The following ZNF75D variants were observed in gnomAD, a reference collection of about 807,000 sequenced individuals.
ZNF75D encodes zinc finger protein 75D, also known as zinc finger protein 75.
In ZNF75D, 33 loss-of-function variants were observed where a neutral mutation model predicts 33.3. That is an observed-to-expected ratio of 0.99 (90% CI 0.75 to 1.32). The LOEUF is 1.32. Among genes scored for constraint, ZNF75D ranks in the 40% most tolerant of loss-of-function variants. The pLI is 0.00. For synonymous variants in ZNF75D, 113 were observed against 130.6 expected (o/e 0.87, Z 0.92); for missense variants, 338 against 367.5 (o/e 0.92, Z 0.66).
chrX:135,280,077 G>C (rs1602591654), intron 1 of ZNF75D, among the ~76,000 whole-genome samples: 1 of 111,537 alleles, frequency 9.0e-6, no homozygotes, highest in Non-Finnish European at 1.9e-5. Context: ...AATATTGACA[G>C]TGGGGTGTTA....
intron 1 of ZNF75D, among the ~76,000 whole-genome samples, chrX:135,259,935 A>C (rs1198852551): frequency 2.7e-5 from 3 of 112,026 alleles, no homozygotes; most frequent in Non-Finnish European, 5.6e-5. Flanking sequence ...TGGGTTTGTC[A>C]TAAATAGCTC....
Position 135,291,046 on chromosome X carries a change from A to G in ZNF75D, c.786T>C (p.Asp262=), listed in dbSNP as rs2084031136. ...CAGTCTCATAGATATCCTGCATTACATCATTGTAGAGAGTCTTCTCAAGAG... is the reference window on the plus strand; with the variant it reads ...CAGTCTCATAGATATCCTGCATTACGTCATTGTAGAGAGTCTTCTCAAGAG... The part of the protein sequence containing the change: ...LNPLEKTLYN[D]VMQDIYETVI... Residue 262 remains aspartate (D), a synonymous_variant, in exon 6 of 7, where the codon GAT becomes GAC. Coordinates refer to ENST00000370766, the MANE Select transcript of ZNF75D (RefSeq NM_007131.5). 8.3e-7 allele frequency: 1 copy of G among 1,207,501 alleles called. No homozygotes were observed. Among genetic ancestry groups the G allele is most frequent in the Non-Finnish European group, 1.1e-6 (1 of 891,497 alleles).
chrX:135,324,971 G>A (rs1304920005), intron 1 of ZNF75D, among the ~76,000 whole-genome samples: 8 of 110,522 alleles, frequency 7.2e-5, no homozygotes, highest in South Asian at 3.9e-4. Flanking sequence ...TAAGACTCAG[G>A]AGCCCTGCCC....
chrX:135,287,352 G>GGT lies in ZNF75D; in HGVS notation c.1316_1317dup (p.Gln440ThrfsTer68), dbSNP rs1276729877. On this transcript the variant is annotated frameshift_variant, in exon 7 of 7. Coordinates refer to ENST00000370766, the MANE Select transcript of ZNF75D (RefSeq NM_007131.5). LOFTEE classifies it high-confidence loss of function. ...GGCTTCTCTCCTGTGTGAATTCTTT[G>GGT]GTGTGTGTGTAGATTTGTGTTATGA... 7 of 1,210,112 alleles carry GGT rather than the reference G, an allele frequency of 5.8e-6. No individual in the cohort carries two copies. Among genetic ancestry groups the GGT allele is most frequent in the East Asian group, 3.0e-5 (1 of 33,813 alleles).
At chrX:135,282,901 C>T (rs1390530530), downstream of ZNF75D, among the ~76,000 whole-genome samples, 2 of 113,209 alleles carry the variant, frequency 1.8e-5, no homozygotes, top group Admixed American at 9.3e-5. Flanking sequence ...ATTGATCTCA[C>T]TGGAAGCTGC....
intron 1 of ZNF75D, among the ~76,000 whole-genome samples, chrX:135,261,491 T>G (rs963824129): frequency 8.9e-6 from 1 of 112,198 alleles, no homozygotes; most frequent in Non-Finnish European, 1.9e-5. Context: ...TGTATTGGGT[T>G]CATACATATT....
intron 1 of ZNF75D, among the ~76,000 whole-genome samples, chrX:135,259,472 C>T (rs1181749373): frequency 1.3e-4 from 15 of 111,350 alleles, no homozygotes; most frequent in East Asian, 5.7e-4. Flanking sequence ...TTATTTCCTT[C>T]ACCAGTGGTT....
intron 1 of ZNF75D, among the ~76,000 whole-genome samples, chrX:135,335,290 A>C (rs1045020360): frequency 3.6e-5 from 4 of 110,862 alleles, no homozygotes; most frequent in African/African-American, 9.9e-5. Context: ...TCTAAGTTCG[A>C]TGGAGAGTAC....
chrX:135,317,909 A>G (rs782396545), intron 1 of ZNF75D, among the ~76,000 whole-genome samples: 32 of 109,386 alleles, frequency 2.9e-4, no homozygotes, highest in Non-Finnish European at 1.9e-5. Context: ...GGTGGGCAGT[A>G]ACAGCATAGC....
chrX:135,342,426 T>G lies in ZNF75D; in HGVS notation c.-1049A>C, dbSNP rs1161111076. ...CAATAGAAAACCAGAGTCTGTCCAT[T>G]TGGACCCAACAAGAGAAAGGGATGG... On this transcript the variant is annotated 5_prime_UTR_variant, in exon 1 of 7. Transcript: ENST00000370766. 3 of 112,126 alleles carry G rather than the reference T, an allele frequency of 2.7e-5. No individual in the cohort carries two copies. The highest frequency in any genetic ancestry group is 9.7e-5 in the African/African-American group (3 of 30,784). The allele number at this position is 112,126 out of a possible 1,213,427, so 9.2% of individuals were successfully genotyped here.
At chrX:135,324,232 T>C (rs782743110) in intron 1 of ZNF75D, among the ~76,000 whole-genome samples, 3 of 111,740 alleles carry the variant, frequency 2.7e-5, no homozygotes, top group Non-Finnish European at 5.6e-5. Context: ...AAATGAAGCT[T>C]AGAGAAGTGA....
At chrX:135,262,761 TTTG>T (rs2083847828) in intron 1 of ZNF75D, among the ~76,000 whole-genome samples, 1 of 112,260 alleles carries the variant, frequency 8.9e-6, no homozygotes, top group African/African-American at 3.2e-5. Context: ...CTTGGAGAAG[TTTG>T]TTATTACTGA....
chrX:135,337,953 C>T (rs1396462478), intron 1 of ZNF75D, among the ~76,000 whole-genome samples: 1 of 110,134 alleles, frequency 9.1e-6, no homozygotes, highest in African/African-American at 3.3e-5. Context: ...AAAGATGATG[C>T]AATTTGAGGA....
chrX:135,269,661 C>G (rs1556416697), intron 1 of ZNF75D, among the ~76,000 whole-genome samples: 1 of 111,256 alleles, frequency 9.0e-6, no homozygotes, highest in Non-Finnish European at 1.9e-5. Flanking sequence ...ATATAAATTA[C>G]TACAACTGCC....
chrX:135,314,170 GCA>G (rs782325514), intron 1 of ZNF75D, among the ~76,000 whole-genome samples: 2 of 111,771 alleles, frequency 1.8e-5, no homozygotes, highest in East Asian at 5.6e-4. Context: ...CTCCCTCCAT[GCA>G]CAGTTTGTTG....
intron 1 of ZNF75D, among the ~76,000 whole-genome samples, chrX:135,339,363 G>C (rs959073739): frequency 8.9e-6 from 1 of 111,890 alleles, no homozygotes; most frequent in Non-Finnish European, 1.9e-5. Flanking sequence ...TTCTGGGCCT[G>C]CAGCTGGAAC....
At chrX:135,320,068 G>A (rs1222384913) in intron 1 of ZNF75D, among the ~76,000 whole-genome samples, 1 of 112,104 alleles carries the variant, frequency 8.9e-6, no homozygotes, top group Non-Finnish European at 1.9e-5. Flanking sequence ...GCCAAGGCAG[G>A]CAGGCCACGA....
chrX:135,326,672 T>G (rs782817623), intron 1 of ZNF75D, among the ~76,000 whole-genome samples: 3 of 111,877 alleles, frequency 2.7e-5, no homozygotes, highest in Non-Finnish European at 5.6e-5. Context: ...TTTTATGAGC[T>G]GTAACACTCA....
At chrX:135,277,968 G>A (rs910338571) in intron 1 of ZNF75D, among the ~76,000 whole-genome samples, 13 of 111,892 alleles carry the variant, frequency 1.2e-4, no homozygotes, top group African/African-American at 3.3e-4. Context: ...TTGGCTAAAC[G>A]GGCTCTTTTT....
Sources: gnomAD v4.1 joint callset for allele counts (sites outside exome capture counted in the v4.1 genomes callset) on GRCh38, gnomAD v4.1.1 for gene constraint, MANE v1.5 for transcripts, NCBI Gene and HGNC (gene_info 2026-07-23, HGNC 2026-07-21) for gene names.